GIN1: variants seen among roughly 807,000 people sequenced by gnomAD.
The protein encoded by GIN1 is gypsy retrotransposon integrase 1.
In GIN1, 41 loss-of-function variants were observed where a neutral mutation model predicts 51.4. The observed-to-expected ratio is 0.80, with a 90% CI of 0.62 to 1.04. The LOEUF (loss-of-function observed/expected upper bound fraction) is 1.04. Among genes scored for constraint, GIN1 ranks in the 50% least tolerant of loss-of-function variants. The probability of loss-of-function intolerance (pLI) is 0.00; values close to 1 mark genes in which losing one functional copy is unlikely to be tolerated. For synonymous variants in GIN1, 222 were observed against 206.5 expected (o/e 1.07, Z -0.64); for missense variants, 610 against 612.4 (o/e 1.00, Z 0.04).
Position 103,106,819 on chromosome 5 carries a change from C to A in GIN1, c.230G>T (p.Cys77Phe). 1 of 1,601,796 alleles carries A rather than the reference C, an allele frequency of 6.2e-7. No homozygotes were observed. The highest frequency in any genetic ancestry group is 8.5e-7 in the Non-Finnish European group (1 of 1,171,166). The change falls in exon 3 of 8, where the codon TGC becomes TTC. Residue 77 changes from cysteine (C) to phenylalanine (F), a missense_variant. Physicochemically the swap from Cys to Phe is radical, Grantham distance 205. Transcript: ENST00000399004. ...EEEKKKVLRE[C>F]HENDSGAHHG... is the part of the protein sequence containing the mutation. ...ATGAGCTCCACTGTCATTTTCATGG[C>A]ATTCTCTTAAGACTTTCTTTTTTTC...
chr5:103,101,409 G>A (rs1384046535), intron 4 of GIN1, among the ~76,000 whole-genome samples: 2 of 152,218 alleles, frequency 1.3e-5, no homozygotes, highest in Non-Finnish European at 2.9e-5. Context: ...TATTTAATAT[G>A]TTTGGACTGC....
chr5:103,118,413 T>C (rs1364641804), intron 1 of GIN1, among the ~76,000 whole-genome samples: 1 of 152,200 alleles, frequency 6.6e-6, no homozygotes, highest in African/African-American at 2.4e-5. Context: ...CATAAAACCC[T>C]TTCTTTTCCC....
intron 7 of GIN1, among the ~76,000 whole-genome samples, 159 bp from the exon 8 acceptor site, chr5:103,088,331 A>C (rs1178784837): frequency 6.6e-6 from 1 of 152,232 alleles, no homozygotes; most frequent in Non-Finnish European, 1.5e-5. Flanking sequence ...ATGAATGTCA[A>C]AGAATAAAAA....
chr5:103,103,555 C>A (rs1167644360), intron 4 of GIN1, among the ~76,000 whole-genome samples: 5 of 152,136 alleles, frequency 3.3e-5, no homozygotes, highest in Non-Finnish European at 5.9e-5. Flanking sequence ...TAAACATATA[C>A]CCTGTCAATT....
At chr5:103,114,374 T>C (rs903860189) in intron 1 of GIN1, among the ~76,000 whole-genome samples, 1 of 152,224 alleles carries the variant, frequency 6.6e-6, no homozygotes, top group Non-Finnish European at 1.5e-5. Flanking sequence ...AATGGATAGA[T>C]ACATTATATA....
chr5:103,100,875 C>T (rs1787552805), intron 4 of GIN1, among the ~76,000 whole-genome samples: 1 of 152,100 alleles, frequency 6.6e-6, no homozygotes, highest in African/African-American at 2.4e-5. Flanking sequence ...ACTGATATTT[C>T]AAAGAGTATT....
intron 4 of GIN1, among the ~76,000 whole-genome samples, chr5:103,100,788 C>T (rs935050160): frequency 5.9e-5 from 9 of 152,216 alleles, no homozygotes; most frequent in Admixed American, 5.2e-4. Context: ...ATAATGGCTT[C>T]ATATTATCAT....
intron 1 of GIN1, among the ~76,000 whole-genome samples, chr5:103,119,224 A>C (rs1314278971): frequency 2.0e-5 from 3 of 152,234 alleles, no homozygotes; most frequent in African/African-American, 7.2e-5. Flanking sequence ...AGCCCCTAAA[A>C]GGTTATAATA....
chr5:103,096,926 G>C, intron 6 of GIN1, 100 bp from the exon 7 acceptor site: 1 of 722,312 alleles, frequency 1.4e-6, no homozygotes, highest in South Asian at 1.8e-5. Context: ...TGGTACTTGA[G>C]ATGCTACTAA....
At chr5:103,113,254 G>A (rs1267868196) in intron 1 of GIN1, among the ~76,000 whole-genome samples, 9 of 152,076 alleles carry the variant, frequency 5.9e-5, no homozygotes, top group Non-Finnish European at 4.4e-5. Flanking sequence ...CCACTTGGGC[G>A]GCTATAACAA....
At position 103,088,003 on chromosome 5, in the gene GIN1, A is replaced by G. The variant is rs1324108590; in HGVS notation, c.1464T>C (p.Tyr488=). The G allele has an allele frequency of 1.9e-6, 3 of 1,603,072 alleles. No homozygotes were observed. Among genetic ancestry groups the G allele is most frequent in the African/African-American group, 2.7e-5 (2 of 74,834 alleles). Residue 488 remains tyrosine, a synonymous_variant, in exon 8 of 8, where the codon TAT becomes TAC. Transcript: ENST00000399004. ...TSSKDRELLE[Y]RNTKISPLID... ...TCAATGGAGAGATTTTCGTATTTCT[A>G]TATTCTAATAGTTCACGATCCTTGC...
In GIN1 at chr5:103,087,821, T is replaced by C. The variant is rs1158807565; in HGVS notation, c.*77A>G. On this transcript the variant is annotated 3_prime_UTR_variant, in exon 8 of 8. Transcript: ENST00000399004. ...AGAATGTGTCAAGATACTTCTTCTA[T>C]ACAACGTTTTTAATGAATAAGATAT... 2 of 621,852 alleles carry C rather than the reference T, an allele frequency of 3.2e-6. No individual in the cohort carries two copies. The highest frequency in any genetic ancestry group is 2.8e-5 in the East Asian group (1 of 35,532). The allele number at this position is 621,852 out of a possible 1,614,324, so 38.5% of individuals were successfully genotyped here. A position where few individuals can be genotyped will look rare whatever the true frequency, so the allele number is the denominator to read the frequency against.
chr5:103,110,481 C>T lies in GIN1; in HGVS notation c.-7-1767G>A, dbSNP rs559725240. The stretch of plus-strand genomic sequence containing the variant: ...GAGAATATCCAATGGTCAATAAGCA[C>T]GTGAAAATGTGCTCAACATCATTAT... On this transcript the variant is annotated intron_variant, in intron 1 of 7. Coordinates refer to ENST00000399004, the MANE Select transcript of GIN1 (RefSeq NM_017676.2). Among the ~76,000 whole-genome samples, 9 of 152,234 alleles carry T rather than the reference C, an allele frequency of 5.9e-5. No homozygotes were observed. The South Asian group carries it at 6.2e-4, about 11-fold the overall frequency.
Position 103,108,562 on chromosome 5 carries a change from A to AT in GIN1, c.139+6dup, listed in dbSNP as rs1787788953. 1.3e-6 allele frequency: 2 copies of AT among 1,578,558 alleles called. No homozygotes were observed. Among genetic ancestry groups the AT allele is most frequent in the African/African-American group, 2.7e-5 (2 of 73,976 alleles). On this transcript the variant is annotated splice_region_variant and intron_variant, in intron 2 of 7. Transcript: ENST00000399004. ...CTCAATAATCAAAATTTGAACATTA[A>AT]TTTTACCTTTGAAGACAAATTTTTT...
chr5:103,103,147 C>T (rs1787621994), intron 4 of GIN1, among the ~76,000 whole-genome samples: 1 of 152,164 alleles, frequency 6.6e-6, no homozygotes, highest in African/African-American at 2.4e-5. Flanking sequence ...ATCTTTCCTT[C>T]TGAGAGTCTG....
Position 103,087,880 on chromosome 5 carries a change from A to G in GIN1, c.*18T>C. 1 of 1,087,594 alleles carries G rather than the reference A, an allele frequency of 9.2e-7. No individual in the cohort carries two copies. Among genetic ancestry groups the G allele is most frequent in the Non-Finnish European group, 1.3e-6 (1 of 763,172 alleles). 67.4% of individuals were successfully genotyped at this position (1,087,594 alleles called of 1,614,324 possible). A position where few individuals can be genotyped will look rare whatever the true frequency, so the allele number is the denominator to read the frequency against. The stretch of plus-strand genomic sequence containing the variant: ...ATTTATATTCTAAACAAACAATTTA[A>G]ATAAATTTTGGTATTTACTAACTTA... On this transcript the variant is annotated 3_prime_UTR_variant, in exon 8 of 8. Coordinates refer to ENST00000399004, the MANE Select transcript of GIN1 (RefSeq NM_017676.2).
At chr5:103,106,668 T>A (rs781864375) in intron 3 of GIN1, 48 bp downstream of exon 3, 3 of 1,073,836 alleles carry the variant, frequency 2.8e-6, no homozygotes, top group Non-Finnish European at 4.0e-6. Context: ...ATTTTAAGTA[T>A]CTATCAGAAA....
intron 1 of GIN1, among the ~76,000 whole-genome samples, chr5:103,117,581 T>TATACACACACACACACAC (rs5870042): frequency 1.5e-4 from 23 of 149,488 alleles, no homozygotes; most frequent in African/African-American, 5.1e-4. Context: ...GAAAAAAATA[T>TATACACACACACACACAC]ACACACACAC....
chr5:103,093,970 T>G (rs782818400), intron 7 of GIN1, among the ~76,000 whole-genome samples: 2 of 152,224 alleles, frequency 1.3e-5, no homozygotes, highest in Admixed American at 6.5e-5. Flanking sequence ...AATAGAAGTA[T>G]ATCTACTTTA....
Sources: allele counts gnomAD v4.1 joint callset (sites outside exome capture counted in the v4.1 genomes callset), GRCh38; gene constraint gnomAD v4.1.1; transcripts MANE v1.5; gene names NCBI Gene and HGNC (gene_info 2026-07-23, HGNC 2026-07-21).